Variants in ATOH8 observed in about 807,000 individuals in gnomAD.
ATOH8 encodes atonal bHLH transcription factor 8.
In ATOH8, 9 loss-of-function variants were observed where a neutral mutation model predicts 21.2. That is an observed-to-expected ratio of 0.42 (90% CI 0.26 to 0.74). The LOEUF (loss-of-function observed/expected upper bound fraction) is 0.74. Among genes scored for constraint, ATOH8 ranks in the 30% least tolerant of loss-of-function variants. ATOH8 has a pLI of 0.24. For missense variants in ATOH8, 524 were observed against 470.9 expected (o/e 1.11, Z -1.04); for synonymous variants, 253 against 224.0 (o/e 1.13, Z -1.16).
rs988922531 is a variant in ATOH8 at position 85,790,811 on chromosome 2, T to C, written c.*3921T>C. On this transcript the variant is annotated 3_prime_UTR_variant, in exon 3 of 3. Coordinates refer to ENST00000306279, the MANE Select transcript of ATOH8 (RefSeq NM_032827.7). ...TTAGGATAAGACAGGGGCCGCGCTGTGGTCAGCCGTGGGAAGCCGGCGAGG... is the reference window on the plus strand; with the variant it reads ...TTAGGATAAGACAGGGGCCGCGCTGCGGTCAGCCGTGGGAAGCCGGCGAGG... Among the ~76,000 whole-genome samples the C allele has an allele frequency of 2.0e-5, 3 of 152,178 alleles. No homozygotes were observed. Among genetic ancestry groups the C allele is most frequent in the Non-Finnish European group, 4.4e-5 (3 of 68,024 alleles).
chr2:85,783,949 A>C (rs1680562855), intron 2 of ATOH8, among the ~76,000 whole-genome samples: 1 of 151,984 alleles, frequency 6.6e-6, no homozygotes, highest in African/African-American at 2.4e-5. Flanking sequence ...GGAATAAATC[A>C]GACCTAGGCT....
chr2:85,778,315 T>TGC (rs1441319750), intron 2 of ATOH8, among the ~76,000 whole-genome samples: 21 of 152,056 alleles, frequency 1.4e-4, no homozygotes, highest in African/African-American at 4.3e-4. Flanking sequence ...TGTGTGTGTG[T>TGC]GCGCGCGCGT....
At chr2:85,783,098 T>G (rs1680538426) in intron 2 of ATOH8, among the ~76,000 whole-genome samples, 1 of 152,204 alleles carries the variant, frequency 6.6e-6, no homozygotes, top group Admixed American at 6.5e-5. Flanking sequence ...GCATTCTGAC[T>G]ATAAACAAGT....
chr2:85,755,570 C>T (rs1282476259), intron 1 of ATOH8, among the ~76,000 whole-genome samples: 1 of 152,178 alleles, frequency 6.6e-6, no homozygotes, highest in African/African-American at 2.4e-5. Flanking sequence ...TTCCTTTCAC[C>T]CGTGGTGAAG....
intron 1 of ATOH8, among the ~76,000 whole-genome samples, chr2:85,756,646 G>A (rs1239166269): frequency 6.6e-6 from 1 of 152,138 alleles, no homozygotes; most frequent in Admixed American, 6.5e-5. Context: ...CATCTCATTT[G>A]ATCTAAACAT....
chr2:85,789,799 T>C lies in ATOH8; in HGVS notation c.*2909T>C, dbSNP rs1185916607. On this transcript the variant is annotated 3_prime_UTR_variant, in exon 3 of 3. Transcript: ENST00000306279. ...ACGATAAGAAAGTGACTTTGAGCCA[T>C]CGATTTGGGAGACAGGCTCTGGGTG... 1.3e-5 allele frequency among the ~76,000 whole-genome samples: 2 copies of C among 152,076 alleles called. No individual in the cohort carries two copies. The highest frequency in any genetic ancestry group is 4.8e-5 in the African/African-American group (2 of 41,400).
At chr2:85,761,788 A>G (rs552386396) in intron 1 of ATOH8, among the ~76,000 whole-genome samples, 2 of 152,260 alleles carry the variant, frequency 1.3e-5, no homozygotes, top group South Asian at 2.1e-4. Context: ...CCCCAGGACT[A>G]CCAGACCTTG....
At chr2:85,763,955 G>A (rs976824877) in intron 1 of ATOH8, 36 bp from the exon 2 acceptor site, 7 of 1,598,280 alleles carry the variant, frequency 4.4e-6, no homozygotes, top group African/African-American at 2.7e-5. Flanking sequence ...TGGGCACTGC[G>A]CCCCTGCAGC....
At chr2:85,786,060 A>G (rs1680614768) in intron 2 of ATOH8, among the ~76,000 whole-genome samples, 1 of 152,162 alleles carries the variant, frequency 6.6e-6, no homozygotes, top group Non-Finnish European at 1.5e-5. Flanking sequence ...CCGTCTGCTC[A>G]GAGCGCCAAG....
chr2:85,759,532 C>T (rs1241469261), intron 1 of ATOH8, among the ~76,000 whole-genome samples: 1 of 152,150 alleles, frequency 6.6e-6, no homozygotes, highest in Non-Finnish European at 1.5e-5. Flanking sequence ...CTGTCTGACC[C>T]TGGGGCTATA....
Position 85,785,858 on chromosome 2 carries a change from CAAAAGG to C in ATOH8, c.961-1026_961-1021del, listed in dbSNP as rs1202079004. Among the ~76,000 whole-genome samples the C allele has an allele frequency of 6.6e-6, 1 of 152,186 alleles. No homozygotes were observed. Among genetic ancestry groups the C allele is most frequent in the Non-Finnish European group, 1.5e-5 (1 of 68,026 alleles). ...GTTGGTTGAGGGTTGGAGCACGAAT[CAAAAGG>C]GTGTTTGGAGTTGCTTTAAGAGGGT... On this transcript the variant is annotated intron_variant, in intron 2 of 2. Transcript: ENST00000306279. This position sits in a 1 kb window ranked among gnomAD's most constrained non-coding sequence, Gnocchi z 4.1.
chr2:85,755,838 C>T (rs1237641013), intron 1 of ATOH8, among the ~76,000 whole-genome samples: 1 of 151,998 alleles, frequency 6.6e-6, no homozygotes, highest in Non-Finnish European at 1.5e-5. Flanking sequence ...GGTGAGTTCT[C>T]TCCCACCCCC....
In ATOH8 at chr2:85,754,677, C is replaced by T. The variant is rs975960711; in HGVS notation, c.488C>T (p.Pro163Leu). The T allele has an allele frequency of 1.3e-5, 21 of 1,569,118 alleles. No individual in the cohort carries two copies. Among genetic ancestry groups the T allele is most frequent in the African/African-American group, 6.8e-5 (5 of 73,606 alleles). Reference protein sequence around the residue: ...RILLCAPPARPAPSAPPAPPA... With the variant: ...RILLCAPPARLAPSAPPAPPA... Reference sequence around the variant, plus strand: ...TTGCTGTGCGCACCGCCCGCGCGCCCCGCGCCGTCAGCACCCCCAGCACCG... The same window carrying T: ...TTGCTGTGCGCACCGCCCGCGCGCCTCGCGCCGTCAGCACCCCCAGCACCG... The change falls in exon 1 of 3, where the codon CCC becomes CTC. Residue 163 changes from proline to leucine, a missense_variant. Transcript: ENST00000306279.
intron 2 of ATOH8, among the ~76,000 whole-genome samples, chr2:85,786,267 A>C (rs986181723): frequency 5.3e-5 from 8 of 152,188 alleles, no homozygotes; most frequent in African/African-American, 1.2e-4. Context: ...TCAAATAGAC[A>C]GACACATGTT....
At chr2:85,757,509 T>C (rs1362199717) in intron 1 of ATOH8, among the ~76,000 whole-genome samples, 8 of 152,236 alleles carry the variant, frequency 5.3e-5, no homozygotes, top group Non-Finnish European at 1.0e-4. Context: ...GGCACTGAGA[T>C]GGGTTCTGGG....
chr2:85,784,401 G>C (rs2104537706), intron 2 of ATOH8, among the ~76,000 whole-genome samples: 1 of 152,170 alleles, frequency 6.6e-6, no homozygotes, highest in South Asian at 2.1e-4. Flanking sequence ...AATTAGCCAG[G>C]CATGGTGGTG....
intron 2 of ATOH8, among the ~76,000 whole-genome samples, chr2:85,770,325 A>G (rs1680146648): frequency 6.6e-6 from 1 of 152,042 alleles, no homozygotes; most frequent in East Asian, 1.9e-4. Flanking sequence ...TGCTTCTCAC[A>G]TGGGAGTGGG....
At chr2:85,774,724 G>C in intron 2 of ATOH8, 1 of 985,498 alleles carries the variant, frequency 1.0e-6, no homozygotes. Context: ...AGACTCAATA[G>C]AACACCTGAT....
Position 85,764,111 on chromosome 2 carries a change from C to A in ATOH8, c.889C>A (p.Leu297Ile). Reference sequence around the variant, plus strand: ...TGACTACAGTGCCGACCACAGCAACCTCAGCTTCTCCGAGTGTGTGCAGCG... The same window carrying A: ...TGACTACAGTGCCGACCACAGCAACATCAGCTTCTCCGAGTGTGTGCAGCG... ...DLDYSADHSN[L>I]SFSECVQRCT... The change falls in exon 2 of 3, where the codon CTC (leucine) becomes ATC (isoleucine). Residue 297 changes from leucine (L) to isoleucine (I), a missense_variant. Coordinates refer to ENST00000306279, the MANE Select transcript of ATOH8 (RefSeq NM_032827.7). 1 of 1,614,204 alleles carries A rather than the reference C, an allele frequency of 6.2e-7. No homozygotes were observed. The highest frequency in any genetic ancestry group is 8.5e-7 in the Non-Finnish European group (1 of 1,180,042).
Sources: gnomAD v4.1 joint callset for allele counts (sites outside exome capture counted in the v4.1 genomes callset) on GRCh38, gnomAD v4.1.1 for gene constraint, Gnocchi (gnomAD v3.1) non-coding constraint, MANE v1.5 for transcripts, NCBI Gene and HGNC (gene_info 2026-07-23, HGNC 2026-07-21) for gene names.